PRMT3: variants seen among roughly 807,000 people sequenced by gnomAD.
The protein encoded by PRMT3 is protein arginine methyltransferase 3, also known as protein arginine N-methyltransferase 3.
In PRMT3, 62 loss-of-function variants were observed where a neutral mutation model predicts 71.9. The observed-to-expected ratio is 0.86, with a 90% confidence interval of 0.70 to 1.07. The LOEUF is 1.07. Ranked by LOEUF, PRMT3 falls within the 50% of genes least tolerant of loss-of-function variation. PRMT3 has a pLI of 0.00. For missense variants in PRMT3, 663 were observed against 643.0 expected, an observed-to-expected ratio of 1.03 and a Z score of -0.34; for synonymous variants, 213 against 220.4, an observed-to-expected ratio of 0.97 and a Z score of 0.30.
At chr11:20,472,703 G>T (rs574384411) in intron 13 of PRMT3, among the ~76,000 whole-genome samples, 1 of 152,210 alleles carries the variant, frequency 6.6e-6, no homozygotes, top group African/African-American at 2.4e-5. Flanking sequence ...CCAGGTTTTG[G>T]TATCAGGATG....
intron 10 of PRMT3, among the ~76,000 whole-genome samples, chr11:20,446,212 C>G (rs954339054): frequency 1.3e-5 from 2 of 151,976 alleles, no homozygotes; most frequent in African/African-American, 2.4e-5. Context: ...ACTTCTCAAC[C>G]CTGGGTATTG....
intron 13 of PRMT3, among the ~76,000 whole-genome samples, chr11:20,492,702 T>C (rs1238731530): frequency 6.6e-6 from 1 of 152,194 alleles, no homozygotes; most frequent in Non-Finnish European, 1.5e-5. Flanking sequence ...AATGGAATGG[T>C]ATTTAAATTT....
chr11:20,506,455 A>C (rs541691443), intron 15 of PRMT3, among the ~76,000 whole-genome samples: 1 of 138,316 alleles, frequency 7.2e-6, no homozygotes, highest in South Asian at 2.4e-4. Flanking sequence ...TATTTCTTCT[A>C]TTATTTAACT....
intron 15 of PRMT3, 107 bp downstream of exon 15, chr11:20,494,361 C>T (rs1851285393): frequency 1.4e-5 from 14 of 976,830 alleles, no homozygotes; most frequent in East Asian, 9.9e-5. Flanking sequence ...TTTTTTGAGA[C>T]GGAGTCTCGC....
chr11:20,421,856 A>G (rs1849433110), intron 9 of PRMT3, among the ~76,000 whole-genome samples: 1 of 152,198 alleles, frequency 6.6e-6, no homozygotes, highest in Admixed American at 6.5e-5. Context: ...GTAAGATTAC[A>G]TAAAGTACTC....
intron 15 of PRMT3, among the ~76,000 whole-genome samples, chr11:20,499,671 C>T (rs561636195): frequency 6.6e-6 from 1 of 152,072 alleles, no homozygotes; most frequent in Admixed American, 6.6e-5. Flanking sequence ...GGGAAAAGGA[C>T]ACAAACAGGT....
chr11:20,426,970 G>T, intron 10 of PRMT3, 105 bp downstream of exon 10: 1 of 1,394,990 alleles, frequency 7.2e-7, no homozygotes, highest in Non-Finnish European at 9.3e-7. Context: ...GCAGAATGGT[G>T]ACATTATTTT....
intron 7 of PRMT3, among the ~76,000 whole-genome samples, chr11:20,400,609 G>T (rs1336096824): frequency 2.6e-5 from 4 of 151,980 alleles, no homozygotes; most frequent in Non-Finnish European, 5.9e-5. Context: ...TCTCTTTATT[G>T]TATCTGCACC....
chr11:20,464,589 C>A, intron 13 of PRMT3, 43 bp downstream of exon 13: 1 of 1,602,194 alleles, frequency 6.2e-7, no homozygotes, highest in Non-Finnish European at 8.5e-7. Flanking sequence ...ACTAGCAGTG[C>A]AGTTGATTGG....
chr11:20,420,394 G>A (rs1224928234), intron 9 of PRMT3, among the ~76,000 whole-genome samples: 1 of 152,070 alleles, frequency 6.6e-6, no homozygotes, highest in Non-Finnish European at 1.5e-5. Context: ...AAAGAACAGG[G>A]GTCCCCAATC....
intron 15 of PRMT3, among the ~76,000 whole-genome samples, chr11:20,498,088 G>T (rs1158097638): frequency 6.6e-6 from 1 of 152,142 alleles, no homozygotes; most frequent in Non-Finnish European, 1.5e-5. Context: ...AAAGATCAGT[G>T]AACTTGAATA....
intron 10 of PRMT3, among the ~76,000 whole-genome samples, chr11:20,431,912 AG>A (rs201756738): frequency 0.031 from 4,703 of 152,204 alleles, 236 homozygotes; most frequent in African/African-American, 0.11. Context: ...AGTACTGTTA[AG>A]TATTAACAGG....
At chr11:20,442,495 T>C (rs1437920554) in intron 10 of PRMT3, among the ~76,000 whole-genome samples, 1 of 152,168 alleles carries the variant, frequency 6.6e-6, no homozygotes, top group African/African-American at 2.4e-5. Context: ...ATTTTGAAAA[T>C]ATTAGATATG....
In PRMT3 at chr11:20,471,001, T is replaced by C. The variant is rs577022866; in HGVS notation, c.1347+6455T>C. Among the ~76,000 whole-genome samples, 9 of 152,322 alleles carry C rather than the reference T, an allele frequency of 5.9e-5. No individual in the cohort carries two copies. In the East Asian group the frequency reaches 1.7e-3, roughly 29 times the overall value. On this transcript the variant is annotated intron_variant, in intron 13 of 15. Transcript: ENST00000331079. ...TCTAATGATCAGTAATGTTGAGCTT[T>C]TTTTCCATATGTTTCTTGGCCACAT... is the stretch of plus-strand genomic sequence containing the variant.
chr11:20,392,110 A>C (rs1400582830), intron 3 of PRMT3, 101 bp from the exon 4 acceptor site: 1 of 1,156,488 alleles, frequency 8.6e-7, no homozygotes, highest in Non-Finnish European at 1.2e-6. Flanking sequence ...TTTAGAGGTC[A>C]GAATTATTTT....
intron 3 of PRMT3, among the ~76,000 whole-genome samples, chr11:20,390,765 G>C (rs191612321): frequency 1.6e-4 from 24 of 152,332 alleles, no homozygotes; most frequent in Admixed American, 7.2e-4. Flanking sequence ...GGATCACAAG[G>C]TCAAGAGATT....
intron 13 of PRMT3, among the ~76,000 whole-genome samples, chr11:20,487,633 A>G (rs1457490261): frequency 6.6e-6 from 1 of 152,204 alleles, no homozygotes; most frequent in Non-Finnish European, 1.5e-5. Flanking sequence ...ATTCAGCATG[A>G]TGTACACTTA....
At chr11:20,494,671 T>C (rs1851293147) in intron 15 of PRMT3, among the ~76,000 whole-genome samples, 1 of 152,194 alleles carries the variant, frequency 6.6e-6, no homozygotes, top group Non-Finnish European at 1.5e-5. Context: ...AGAAAAGATA[T>C]TCTTAGAGCT....
intron 13 of PRMT3, among the ~76,000 whole-genome samples, chr11:20,485,873 G>C (rs1851059718): frequency 6.6e-6 from 1 of 152,160 alleles, no homozygotes; most frequent in Non-Finnish European, 1.5e-5. Flanking sequence ...CCAAATGTAG[G>C]TGTATATCTA....
Sources: allele counts gnomAD v4.1 joint callset (sites outside exome capture counted in the v4.1 genomes callset), GRCh38; gene constraint gnomAD v4.1.1; transcripts MANE v1.5; gene names NCBI Gene and HGNC (gene_info 2026-07-23, HGNC 2026-07-21).